Variants in MAPK10 observed in about 807,000 individuals in gnomAD.
The protein encoded by MAPK10 is JNK3 alpha protein kinase.
A neutral mutation model predicts 59.3 loss-of-function variants in MAPK10; 25 were observed. The observed-to-expected ratio is 0.42, with a 90% CI of 0.31 to 0.59. MAPK10 has a LOEUF of 0.59. MAPK10 is among the 20% of genes least tolerant of loss of function. The pLI, the probability that MAPK10 is intolerant of heterozygous loss-of-function variation, is 0.15. For missense variants in MAPK10, 351 were observed against 568.9 expected (o/e 0.62, Z 3.90); for synonymous variants, 190 against 200.5 (o/e 0.95, Z 0.44).
chr4:86,313,195 A>G (rs1420969500), intron 2 of MAPK10, among the ~76,000 whole-genome samples: 1 of 152,130 alleles, frequency 6.6e-6, no homozygotes, highest in Non-Finnish European at 1.5e-5. Context: ...TTGAATCTGC[A>G]TTTGAAAAAC....
chr4:86,389,212 C>G (rs991669227), intron 1 of MAPK10, among the ~76,000 whole-genome samples: 11 of 152,154 alleles, frequency 7.2e-5, no homozygotes, highest in Non-Finnish European at 1.5e-4. Flanking sequence ...GATATGCTCA[C>G]TCCCCCTTTG....
At chr4:86,269,524 G>A (rs1321286870) in intron 2 of MAPK10, among the ~76,000 whole-genome samples, 1 of 152,080 alleles carries the variant, frequency 6.6e-6, no homozygotes, top group Non-Finnish European at 1.5e-5. Flanking sequence ...TGCACAGTCT[G>A]TACATCTTGT....
At chr4:86,358,026 CA>C (rs1319599908) in intron 1 of MAPK10, 4 of 964,350 alleles carry the variant, frequency 4.1e-6, no homozygotes, top group Non-Finnish European at 4.9e-6. Flanking sequence ...TAAGCTAATC[CA>C]ATACTTTATG....
At chr4:86,232,525 C>T (rs374363114) in intron 2 of MAPK10, among the ~76,000 whole-genome samples, 2 of 152,138 alleles carry the variant, frequency 1.3e-5, no homozygotes, top group African/African-American at 4.8e-5. Flanking sequence ...AGGTGCTCAC[C>T]ACCACGCCCA....
chr4:86,375,714 A>T (rs1428427013), intron 1 of MAPK10, among the ~76,000 whole-genome samples: 2 of 14,626 alleles, frequency 1.4e-4, no homozygotes, highest in African/African-American at 2.4e-4. Flanking sequence ...GGTCCACTCT[A>T]AAAAAAAAAA....
At chr4:86,414,139 GA>G (rs1745555558) in intron 1 of MAPK10, among the ~76,000 whole-genome samples, 2 of 152,216 alleles carry the variant, frequency 1.3e-5, no homozygotes, top group South Asian at 4.1e-4. Context: ...GAATACAATT[GA>G]ATATTTTGGT....
intron 1 of MAPK10, among the ~76,000 whole-genome samples, chr4:86,389,488 C>T (rs1035747150): frequency 3.3e-5 from 5 of 152,176 alleles, no homozygotes; most frequent in Admixed American, 6.5e-5. Flanking sequence ...AGGGAGCATG[C>T]CACACTCCCC....
chr4:86,359,289 T>TCTCTCTCTCTCTCTCTCTCC (rs1491241812), intron 1 of MAPK10, among the ~76,000 whole-genome samples: 8 of 100,040 alleles, frequency 8.0e-5, no homozygotes, highest in African/African-American at 3.6e-4. Flanking sequence ...TCTCTCTCTC[T>TCTCTCTCTCTCTCTCTCTCC]GTGTGTGTGT....
upstream of MAPK10, among the ~76,000 whole-genome samples, chr4:86,360,417 C>T (rs1481651917): frequency 2.6e-5 from 4 of 152,200 alleles, no homozygotes; most frequent in Non-Finnish European, 5.9e-5. Context: ...TGCTTTTCAA[C>T]TATCTCTTGT....
rs1736489318 is a variant in MAPK10, at chr4:86,359,732, A to G, written c.-196T>C. 3.0e-6 allele frequency: 3 copies of G among 985,686 alleles called. No homozygotes were observed. The highest frequency in any genetic ancestry group is 9.4e-5 in the South Asian group (2 of 21,284). The allele number at this position is 985,686 out of a possible 1,614,324, so 61.1% of individuals were successfully genotyped here. ...AAATCCTCCCTACTTGTTTTTCATT[A>G]ACCACATTCCAGACTAACATGGAAG... is the stretch of plus-strand genomic sequence containing the variant. On this transcript the variant is annotated 5_prime_UTR_variant, in exon 1 of 14. Coordinates refer to ENST00000641462, the MANE Select transcript of MAPK10 (RefSeq NM_138982.4).
intron 2 of MAPK10, among the ~76,000 whole-genome samples, chr4:86,285,286 C>T (rs945478035): frequency 2.7e-5 from 4 of 150,214 alleles, no homozygotes; most frequent in African/African-American, 9.8e-5. Flanking sequence ...GGTGTGATCT[C>T]GGCTCACTGC....
intron 2 of MAPK10, among the ~76,000 whole-genome samples, chr4:86,290,679 G>A (rs187855803): frequency 7.2e-5 from 11 of 152,114 alleles, no homozygotes; most frequent in Admixed American, 5.9e-4. Flanking sequence ...CTTGACTCCT[G>A]GCTGGCACTC....
intron 1 of MAPK10, among the ~76,000 whole-genome samples, chr4:86,399,343 C>G (rs1342240390): frequency 6.6e-6 from 1 of 152,122 alleles, no homozygotes; most frequent in African/African-American, 2.4e-5. Flanking sequence ...ATTTTCATTT[C>G]TCTGATGACT....
chr4:86,066,585 T>C (rs893571818), intron 10 of MAPK10, among the ~76,000 whole-genome samples: 9 of 151,824 alleles, frequency 5.9e-5, no homozygotes, highest in Non-Finnish European at 1.0e-4. Flanking sequence ...GCTACCACGG[T>C]GAAACCCCAT....
rs145732875 is a variant in MAPK10 at position 86,555,133 on chromosome 4, T to C, written c.-263+38777A>G. Among the ~76,000 whole-genome samples the C allele has an allele frequency of 1.6e-3, 251 of 152,348 alleles. 4 individuals carry two copies. The highest frequency in any genetic ancestry group is 5.6e-3 in the African/African-American group (234 of 41,584). ...TTTGTTTATTCATGTGTTTGCCTTT[T>C]CCATTAAACTAAGTTCCTTAAAAGT... On this transcript the variant is annotated intron_variant, in intron 1 of 4. Coordinates refer to the MAPK10 transcript ENST00000502302.
Position 86,359,912 on chromosome 4 carries a change from G to A in MAPK10, c.-376C>T. 1.0e-6 allele frequency: 1 copy of A among 985,716 alleles called. No individual in the cohort carries two copies. Among genetic ancestry groups the A allele is most frequent in the African/African-American group, 1.7e-5 (1 of 57,350 alleles). 61.1% of individuals were successfully genotyped at this position (985,716 alleles called of 1,614,324 possible). A position where few individuals can be genotyped will look rare whatever the true frequency, so the allele number is the denominator to read the frequency against. The stretch of plus-strand genomic sequence containing the variant: ...ATGAAAAAAGAAAAGAAAAAGGTAA[G>A]CATATAGCAAGCACCACCCACCCCC... On this transcript the variant is annotated 5_prime_UTR_variant, in exon 1 of 14. Coordinates refer to ENST00000641462, the MANE Select transcript of MAPK10 (RefSeq NM_138982.4).
intron 3 of MAPK10, among the ~76,000 whole-genome samples, chr4:86,176,447 C>G (rs2075699556): frequency 6.6e-6 from 1 of 152,084 alleles, no homozygotes; most frequent in Non-Finnish European, 1.5e-5. Flanking sequence ...CACTTGAATT[C>G]AGGTTAAACC....
intron 13 of MAPK10, chr4:86,020,754 C>G (rs1746144892): frequency 6.5e-6 from 1 of 154,050 alleles, no homozygotes. Flanking sequence ...TTTCGTTCCT[C>G]CCAGTGGGCT....
At chr4:86,281,178 A>G (rs1036042561) in intron 2 of MAPK10, among the ~76,000 whole-genome samples, 3 of 152,204 alleles carry the variant, frequency 2.0e-5, no homozygotes, top group African/African-American at 7.2e-5. Flanking sequence ...TGCTGTGTTT[A>G]TCTTAATACC....
Sources: allele counts gnomAD v4.1 joint callset (sites outside exome capture counted in the v4.1 genomes callset), GRCh38; gene constraint gnomAD v4.1.1; transcripts MANE v1.5; gene names NCBI Gene and HGNC (gene_info 2026-07-23, HGNC 2026-07-21).